Variants in TMPRSS15 observed in about 807,000 individuals in gnomAD.
TMPRSS15 encodes the protein enteropeptidase.
Under a neutral mutation model 125.3 loss-of-function variants are expected in TMPRSS15, and 128 were observed. The observed-to-expected ratio is 1.02, with a 90% confidence interval of 0.89 to 1.18. TMPRSS15 has a LOEUF of 1.18. TMPRSS15 is among the 50% of genes most tolerant of loss of function. TMPRSS15 has a pLI of 0.00. For missense variants in TMPRSS15, 1,283 were observed against 1,212.7 expected, an observed-to-expected ratio of 1.06 and a Z score of -0.86; for synonymous variants, 446 against 423.2, an observed-to-expected ratio of 1.05 and a Z score of -0.66.
chr21:18,467,400 T>TATAATAATAATAATAATA (rs367778639), intron 1 of TMPRSS15, among the ~76,000 whole-genome samples: 20 of 150,252 alleles, frequency 1.3e-4, no homozygotes, highest in Admixed American at 3.3e-4. Context: ...GAATGAAAAG[T>TATAATAATAATAATAATA]ATAATAATAA....
intron 1 of TMPRSS15, among the ~76,000 whole-genome samples, chr21:18,482,381 C>T (rs944814611): frequency 5.3e-5 from 8 of 150,904 alleles, no homozygotes; most frequent in South Asian, 2.1e-4. Context: ...TAGGGTATGG[C>T]GACTATATTT....
At chr21:18,348,315 T>C (rs1234215850) in intron 10 of TMPRSS15, among the ~76,000 whole-genome samples, 2 of 152,264 alleles carry the variant, frequency 1.3e-5, no homozygotes, top group Admixed American at 1.3e-4. Context: ...TCTTCATGAA[T>C]TGAACCTAGT....
chr21:18,409,844 T>C (rs1183954701), intron 1 of TMPRSS15, among the ~76,000 whole-genome samples: 1 of 91,492 alleles, frequency 1.1e-5, no homozygotes, highest in Non-Finnish European at 2.1e-5. Context: ...CTCCCTCCTT[T>C]CCCCCTTCCT....
At chr21:18,406,862 A>G (rs1276002883), upstream of TMPRSS15, among the ~76,000 whole-genome samples, 1 of 152,202 alleles carries the variant, frequency 6.6e-6, no homozygotes, top group Non-Finnish European at 1.5e-5. Flanking sequence ...TGTAAGCCCT[A>G]CAAAATATAG....
At chr21:18,400,862 G>T (rs879220935) in intron 1 of TMPRSS15, among the ~76,000 whole-genome samples, 1 of 151,936 alleles carries the variant, frequency 6.6e-6, no homozygotes, top group African/African-American at 2.4e-5. Flanking sequence ...AATCTATAAG[G>T]ATCTTAAATA....
At chr21:18,412,052 G>A (rs1426203198) in intron 1 of TMPRSS15, among the ~76,000 whole-genome samples, 1 of 152,102 alleles carries the variant, frequency 6.6e-6, no homozygotes, top group Non-Finnish European at 1.5e-5. Flanking sequence ...TCAGCTGCTA[G>A]TTTAGATCAT....
chr21:18,419,227 T>TG (rs1470009621), intron 1 of TMPRSS15, among the ~76,000 whole-genome samples: 1 of 145,010 alleles, frequency 6.9e-6, no homozygotes, highest in African/African-American at 2.6e-5. Flanking sequence ...CCTCTTTTTT[T>TG]TTTTTTTTTT....
rs1942031416 is a variant in TMPRSS15, at chr21:18,281,037, TA to T, written c.2668+2del. 2 of 1,610,512 alleles carry T rather than the reference TA, an allele frequency of 1.2e-6. No homozygotes were observed. Among genetic ancestry groups the T allele is most frequent in the Non-Finnish European group, 1.7e-6 (2 of 1,179,206 alleles). ...ATGACTAAGAGTGATTTTTTTTTTT[TA>T]CCTGTGTAATTCACTTTAAATTCCA... On this transcript the variant is annotated splice_donor_variant, in intron 22 of 24. Coordinates refer to ENST00000284885, the MANE Select transcript of TMPRSS15 (RefSeq NM_002772.3). LOFTEE classifies it high-confidence loss of function.
At position 18,269,786 on chromosome 21, in the gene TMPRSS15, C is replaced by A. The variant is rs116659218; in HGVS notation, c.*183G>T. Reference sequence around the variant, plus strand: ...GGTATTTTAAAGTTATTCTGTATTGCTATGGTGAATTTTATTATTTTTAAA... The same window carrying A: ...GGTATTTTAAAGTTATTCTGTATTGATATGGTGAATTTTATTATTTTTAAA... On this transcript the variant is annotated 3_prime_UTR_variant, in exon 25 of 25. Transcript: ENST00000284885. The A allele has an allele frequency of 1.6e-6, 1 of 609,384 alleles. No homozygotes were observed. Among genetic ancestry groups the A allele is most frequent in the Non-Finnish European group, 2.8e-6 (1 of 352,878 alleles). 37.7% of individuals were successfully genotyped at this position (609,384 alleles called of 1,614,324 possible).
intron 4 of TMPRSS15, among the ~76,000 whole-genome samples, chr21:18,381,758 G>A (rs1295831167): frequency 6.6e-6 from 1 of 152,114 alleles, no homozygotes; most frequent in Non-Finnish European, 1.5e-5. Context: ...TTGCTTGCCA[G>A]AACAGACCAT....
intron 21 of TMPRSS15, among the ~76,000 whole-genome samples, chr21:18,287,990 T>C (rs1262980057): frequency 6.6e-6 from 1 of 152,070 alleles, no homozygotes; most frequent in African/African-American, 2.4e-5. Flanking sequence ...TAGGAATCAA[T>C]CCAAAGGAAA....
At chr21:18,285,962 A>G (rs2074758364) in intron 21 of TMPRSS15, among the ~76,000 whole-genome samples, 1 of 152,236 alleles carries the variant, frequency 6.6e-6, no homozygotes, top group Non-Finnish European at 1.5e-5. Flanking sequence ...TTTAAGTAGA[A>G]ATCTGTTTTT....
intron 6 of TMPRSS15, among the ~76,000 whole-genome samples, chr21:18,370,712 A>G (rs1271881056): frequency 6.6e-6 from 1 of 152,158 alleles, no homozygotes; most frequent in Non-Finnish European, 1.5e-5. Context: ...TTATCCAAGA[A>G]CATTTGCATC....
At chr21:18,441,042 C>A (rs574974017) in intron 1 of TMPRSS15, among the ~76,000 whole-genome samples, 2 of 152,206 alleles carry the variant, frequency 1.3e-5, no homozygotes, top group African/African-American at 2.4e-5. Flanking sequence ...CCTGTAATCC[C>A]AGCACTTTGG....
chr21:18,286,712 C>T (rs1255286108), intron 21 of TMPRSS15, among the ~76,000 whole-genome samples: 2 of 152,232 alleles, frequency 1.3e-5, no homozygotes, highest in Non-Finnish European at 2.9e-5. Flanking sequence ...CATCTTCACA[C>T]ATTAGCCTGA....
At chr21:18,311,548 C>T (rs932429514) in intron 18 of TMPRSS15, among the ~76,000 whole-genome samples, 3 of 152,008 alleles carry the variant, frequency 2.0e-5, no homozygotes, top group African/African-American at 7.2e-5. Context: ...ATATCTCTCA[C>T]CCCTGTTATA....
chr21:18,353,607 C>T, intron 9 of TMPRSS15, 116 bp downstream of exon 9: 1 of 878,932 alleles, frequency 1.1e-6, no homozygotes, highest in Non-Finnish European at 1.8e-6. Flanking sequence ...GATGCACATA[C>T]AAGATACTCA....
At chr21:18,399,543 G>T (rs2076075575) in intron 1 of TMPRSS15, among the ~76,000 whole-genome samples, 1 of 152,124 alleles carries the variant, frequency 6.6e-6, no homozygotes, top group Non-Finnish European at 1.5e-5. Context: ...GACTAAGGAA[G>T]CGTAATAACT....
chr21:18,342,940 A>C (rs2210229), intron 12 of TMPRSS15, among the ~76,000 whole-genome samples: 3,606 of 152,282 alleles, frequency 0.024, 151 homozygotes, highest in African/African-American at 0.082. Flanking sequence ...CCATATTTTA[A>C]TTGCAAAGAC....
Sources: allele counts gnomAD v4.1 joint callset (sites outside exome capture counted in the v4.1 genomes callset), GRCh38; gene constraint gnomAD v4.1.1; transcripts MANE v1.5; gene names NCBI Gene and HGNC (gene_info 2026-07-23, HGNC 2026-07-21).